DENND1A: variants seen among roughly 807,000 people sequenced by gnomAD.
DENND1A encodes the protein DENN domain-containing protein 1A.
In DENND1A, 51 loss-of-function variants were observed where a neutral mutation model predicts 113.7. The observed-to-expected ratio is 0.45, with a 90% CI of 0.36 to 0.57. DENND1A has a LOEUF of 0.57. DENND1A is among the 20% of genes least tolerant of loss of function. The probability of loss-of-function intolerance (pLI) is 0.00; values close to 1 mark genes in which losing one functional copy is unlikely to be tolerated. For missense variants in DENND1A, 1,258 were observed against 1,395.9 expected, an observed-to-expected ratio of 0.90 and a Z score of 1.57; for synonymous variants, 565 against 570.8, an observed-to-expected ratio of 0.99 and a Z score of 0.14.
intron 8 of DENND1A, among the ~76,000 whole-genome samples, chr9:123,656,650 A>T (rs539937568): frequency 6.6e-6 from 1 of 152,222 alleles, no homozygotes; most frequent in Non-Finnish European, 1.5e-5. Context: ...AATAAAGGAT[A>T]AATCCTCCTT....
intron 1 of DENND1A, among the ~76,000 whole-genome samples, chr9:123,903,358 A>AAAAC (rs1852076166): frequency 2.7e-5 from 4 of 147,054 alleles, no homozygotes; most frequent in Non-Finnish European, 6.0e-5. Context: ...AAAAAAAAAA[A>AAAAC]CTGGAAAAAA....
chr9:123,661,759 T>C (rs565545426), intron 8 of DENND1A, among the ~76,000 whole-genome samples: 1 of 152,048 alleles, frequency 6.6e-6, no homozygotes, highest in East Asian at 1.9e-4. Flanking sequence ...AATCTATAAA[T>C]AACAGTCTCA....
intron 2 of DENND1A, among the ~76,000 whole-genome samples, chr9:123,876,040 A>G (rs1221657334): frequency 1.3e-5 from 2 of 152,230 alleles, no homozygotes; most frequent in African/African-American, 4.8e-5. Context: ...ACTTTTTCAC[A>G]AATAACAGGA....
chr9:123,913,506 T>A (rs976981904), intron 1 of DENND1A, among the ~76,000 whole-genome samples: 1 of 151,500 alleles, frequency 6.6e-6, no homozygotes, highest in African/African-American at 2.4e-5. Context: ...TAATTTCAAG[T>A]GTGGAAAAAA....
rs1004689981 is a variant in DENND1A, at chr9:123,403,581, C to A, written c.1543-91G>T. On this transcript the variant is annotated intron_variant, in intron 20 of 23. Transcript: ENST00000394215. ...TGAACATTTGGATAAACGGCCCCCC[C>A]AAAAAACGTTTAGGGATTTTCAAAG... 2.1e-5 allele frequency: 25 copies of A among 1,202,270 alleles called. 1 individual carries two copies. The South Asian group carries it at 2.1e-4, about 10-fold the overall frequency. 74.5% of individuals were successfully genotyped at this position (1,202,270 alleles called of 1,614,324 possible). A position where few individuals can be genotyped will look rare whatever the true frequency, so the allele number is the denominator to read the frequency against.
At chr9:123,669,242 T>C (rs1010229602) in intron 7 of DENND1A, among the ~76,000 whole-genome samples, 15 of 152,036 alleles carry the variant, frequency 9.9e-5, no homozygotes, top group Non-Finnish European at 1.6e-4. Flanking sequence ...TCAGGATGTA[T>C]AACCTAGATG....
In DENND1A at chr9:123,515,379, T is replaced by C. The variant is rs80115049; in HGVS notation, c.993+42191A>G. Among the ~76,000 whole-genome samples, 638 of 152,342 alleles carry C rather than the reference T, an allele frequency of 4.2e-3. 4 individuals carry two copies. The highest frequency in any genetic ancestry group is 0.015 in the African/African-American group (606 of 41,574). On this transcript the variant is annotated intron_variant, in intron 13 of 23. Transcript: ENST00000394215. ...TATGATTAGGATAGAGAATGTCCTA[T>C]CTTCTTAGAAAATACAGGCTGAAAT...
chr9:123,898,009 C>A (rs1480194188), intron 1 of DENND1A, among the ~76,000 whole-genome samples: 1 of 150,476 alleles, frequency 6.6e-6, no homozygotes, highest in Non-Finnish European at 1.5e-5. Context: ...TAGTCAACAA[C>A]TAAAAAAAAT....
chr9:123,413,558 T>C lies in DENND1A; in HGVS notation c.1489-1729A>G, dbSNP rs2044478155. ...GTCCCTGGGTCCCTGGTGCTCTGCA[T>C]GGAACCTGTCGGGGCAGCCTGAGGG... is the stretch of plus-strand genomic sequence containing the variant. On this transcript the variant is annotated intron_variant, in intron 19 of 23. Transcript: ENST00000394215. 5.1e-6 allele frequency: 5 copies of C among 985,402 alleles called. No individual in the cohort carries two copies. The Admixed American group carries it at 1.8e-4, about 36-fold the overall frequency. 61.0% of individuals were successfully genotyped at this position (985,402 alleles called of 1,614,324 possible).
rs143144205 is a variant in DENND1A at position 123,632,032 on chromosome 9, T to A, written c.619-1556A>T. On this transcript the variant is annotated intron_variant, in intron 9 of 23. Coordinates refer to ENST00000394215, the MANE Select transcript of DENND1A (RefSeq NM_001352964.2). Reference sequence around the variant, plus strand: ...TCTTTTGGAAGCTGTTAACTGGCCTTTGCTGACAGAAGAACATTTACGTGG... The same window carrying A: ...TCTTTTGGAAGCTGTTAACTGGCCTATGCTGACAGAAGAACATTTACGTGG... Among the ~76,000 whole-genome samples, 8 of 152,324 alleles carry A rather than the reference T, an allele frequency of 5.3e-5. No individual in the cohort carries two copies. The East Asian group carries it at 1.5e-3, about 29-fold the overall frequency.
chr9:123,921,058 T>C (rs1264443305), intron 1 of DENND1A, among the ~76,000 whole-genome samples: 1 of 152,152 alleles, frequency 6.6e-6, no homozygotes. Flanking sequence ...ACATTCTTAC[T>C]GAAAGGAAGC....
At chr9:123,706,975 A>G (rs2066259016) in intron 5 of DENND1A, among the ~76,000 whole-genome samples, 1 of 152,270 alleles carries the variant, frequency 6.6e-6, no homozygotes, top group Admixed American at 6.5e-5. Flanking sequence ...GAGAAGGTGT[A>G]AGCAGCTGGA....
Position 123,455,069 on chromosome 9 carries a change from G to A in DENND1A, c.1187-290C>T, listed in dbSNP as rs984250268. Among the ~76,000 whole-genome samples the A allele has an allele frequency of 7.9e-5, 12 of 152,186 alleles. No homozygotes were observed. The South Asian group carries it at 1.0e-3, about 13-fold the overall frequency. Reference sequence around the variant, plus strand: ...ACTCCTGACCTCAAGTGATCCACCCGCCTTGGCCTCCCAAAGTGCTGGGAT... The same window carrying A: ...ACTCCTGACCTCAAGTGATCCACCCACCTTGGCCTCCCAAAGTGCTGGGAT... On this transcript the variant is annotated intron_variant, in intron 15 of 23. Coordinates refer to ENST00000394215, the MANE Select transcript of DENND1A (RefSeq NM_001352964.2).
chr9:123,813,614 G>C (rs1354323174), intron 2 of DENND1A, among the ~76,000 whole-genome samples: 2 of 151,872 alleles, frequency 1.3e-5, no homozygotes, highest in African/African-American at 2.4e-5. Flanking sequence ...AGAATATACT[G>C]AGTCGGCTTT....
At chr9:123,852,994 C>T (rs1843605359) in intron 2 of DENND1A, among the ~76,000 whole-genome samples, 1 of 151,928 alleles carries the variant, frequency 6.6e-6, no homozygotes, top group African/African-American at 2.4e-5. Context: ...TCTTGGCTCA[C>T]TGCAACCTCC....
chr9:123,700,018 G>A (rs906230892), intron 5 of DENND1A, among the ~76,000 whole-genome samples: 1 of 152,048 alleles, frequency 6.6e-6, no homozygotes, highest in African/African-American at 2.4e-5. Context: ...TTTTTTAACA[G>A]ACTACCCTTT....
intron 5 of DENND1A, among the ~76,000 whole-genome samples, chr9:123,738,213 C>T (rs1314042657): frequency 6.6e-6 from 1 of 152,104 alleles, no homozygotes; most frequent in Non-Finnish European, 1.5e-5. Flanking sequence ...CAAAAACAGT[C>T]ATTAAATACA....
At chr9:123,664,569 G>A (rs1215349686) in intron 8 of DENND1A, among the ~76,000 whole-genome samples, 2 of 151,476 alleles carry the variant, frequency 1.3e-5, no homozygotes, top group African/African-American at 4.9e-5. Flanking sequence ...TTATATAAAA[G>A]CATTCAAAGC....
At chr9:123,530,959 T>C (rs2055248019) in intron 13 of DENND1A, among the ~76,000 whole-genome samples, 1 of 152,228 alleles carries the variant, frequency 6.6e-6, no homozygotes, top group African/African-American at 2.4e-5. Context: ...AATATTTTTA[T>C]GGTTGACCTT....
Sources: allele counts gnomAD v4.1 joint callset (sites outside exome capture counted in the v4.1 genomes callset), GRCh38; gene constraint gnomAD v4.1.1; transcripts MANE v1.5; gene names NCBI Gene and HGNC (gene_info 2026-07-23, HGNC 2026-07-21).